The following PDGFD variants were observed in gnomAD, a reference collection of about 807,000 sequenced individuals.
PDGFD encodes the protein platelet derived growth factor D.
PDGFD carries 30 observed loss-of-function variants against 44.7 expected under a neutral mutation model. The observed-to-expected ratio is 0.67, with a 90% CI of 0.50 to 0.91. The LOEUF is 0.91. PDGFD is among the 40% of genes least tolerant of loss of function. The pLI is 0.00. For missense variants in PDGFD, 445 were observed against 457.8 expected, an observed-to-expected ratio of 0.97 and a Z score of 0.25; for synonymous variants, 173 against 168.4, an observed-to-expected ratio of 1.03 and a Z score of -0.21.
At chr11:103,945,133 G>T (rs550378643) in intron 4 of PDGFD, among the ~76,000 whole-genome samples, 2 of 152,144 alleles carry the variant, frequency 1.3e-5, no homozygotes, top group East Asian at 3.9e-4. Flanking sequence ...CATACATTAC[G>T]GAAGAATCCA....
chr11:103,921,379 G>A (rs1310363432), intron 6 of PDGFD, among the ~76,000 whole-genome samples: 5 of 151,956 alleles, frequency 3.3e-5, no homozygotes, highest in African/African-American at 1.2e-4. Flanking sequence ...GAAAATTTAG[G>A]TACTTTTTTT....
chr11:104,153,066 A>G (rs964669608), intron 1 of PDGFD, among the ~76,000 whole-genome samples: 1 of 152,168 alleles, frequency 6.6e-6, no homozygotes, highest in African/African-American at 2.4e-5. Context: ...CCTAAAGCTT[A>G]AAGTGTTCAC....
chr11:104,118,675 T>C (rs1177017706), intron 1 of PDGFD, among the ~76,000 whole-genome samples: 1 of 143,262 alleles, frequency 7.0e-6, no homozygotes, highest in Non-Finnish European at 1.5e-5. Context: ...TAGTATTTAA[T>C]GCTATACTCA....
intron 5 of PDGFD, among the ~76,000 whole-genome samples, chr11:103,930,788 A>C (rs1048613022): frequency 6.6e-6 from 1 of 152,220 alleles, no homozygotes; most frequent in African/African-American, 2.4e-5. Context: ...TCATTTTCAC[A>C]ATGTCATTAA....
chr11:104,159,153 CA>C (rs765727400), intron 1 of PDGFD, among the ~76,000 whole-genome samples: 1,885 of 66,532 alleles, frequency 0.028, 13 homozygotes, highest in African/African-American at 0.058. Context: ...GACTCCATCT[CA>C]AAAAAAAAAA....
chr11:104,054,323 A>T (rs1860589172), intron 1 of PDGFD, among the ~76,000 whole-genome samples: 1 of 152,242 alleles, frequency 6.6e-6, no homozygotes, highest in South Asian at 2.1e-4. Flanking sequence ...GACCTTTATC[A>T]GTGATTGTGT....
chr11:104,029,060 A>G (rs1034351522), intron 1 of PDGFD, among the ~76,000 whole-genome samples: 3 of 152,218 alleles, frequency 2.0e-5, no homozygotes, highest in Admixed American at 2.0e-4. Flanking sequence ...TCAGCAGTTA[A>G]GCACATTTTA....
chr11:104,057,447 C>T lies in PDGFD; in HGVS notation c.125-57192G>A, dbSNP rs1297640028. On this transcript the variant is annotated intron_variant, in intron 1 of 6. Coordinates refer to ENST00000393158, the MANE Select transcript of PDGFD (RefSeq NM_025208.5). ...GAACAGAAAAACAAATACCACATGC[C>T]CTCACTTAGAAGTGGGAGCTAAACA... Among the ~76,000 whole-genome samples the T allele has an allele frequency of 2.0e-5, 3 of 151,744 alleles. No homozygotes were observed. The East Asian group carries it at 5.8e-4, about 29-fold the overall frequency.
intron 1 of PDGFD, among the ~76,000 whole-genome samples, chr11:104,069,763 G>A (rs1051688870): frequency 6.6e-6 from 1 of 152,236 alleles, no homozygotes; most frequent in Non-Finnish European, 1.5e-5. Context: ...AGGAGGCTGA[G>A]GCAGGAGAAT....
intron 1 of PDGFD, among the ~76,000 whole-genome samples, chr11:104,052,912 TA>T (rs34633495): frequency 0.44 from 66,396 of 151,870 alleles, 15,492 homozygotes; most frequent in African/African-American, 0.6. Context: ...GTAGGATTTT[TA>T]TTCTGTCTAG....
rs142344596 is a variant in PDGFD, at chr11:104,010,988, G to C, written c.125-10733C>G. 2.0e-4 allele frequency among the ~76,000 whole-genome samples: 30 copies of C among 152,056 alleles called. No individual in the cohort carries two copies. The East Asian group carries it at 5.8e-3, about 29-fold the overall frequency. ...AGCTCAGAAACACAGAAAGATAAGAGGGAAAATAGAAAAGTCATACCCAGG... is the reference window on the plus strand; with the variant it reads ...AGCTCAGAAACACAGAAAGATAAGACGGAAAATAGAAAAGTCATACCCAGG... On this transcript the variant is annotated intron_variant, in intron 1 of 6. Coordinates refer to ENST00000393158, the MANE Select transcript of PDGFD (RefSeq NM_025208.5).
At chr11:103,972,072 T>G (rs1859113034) in intron 3 of PDGFD, among the ~76,000 whole-genome samples, 1 of 152,230 alleles carries the variant, frequency 6.6e-6, no homozygotes, top group African/African-American at 2.4e-5. Flanking sequence ...TCTTCAAACC[T>G]CTGTCTCTTA....
chr11:103,997,713 C>T (rs571561708), intron 2 of PDGFD, among the ~76,000 whole-genome samples: 2 of 152,284 alleles, frequency 1.3e-5, no homozygotes, highest in East Asian at 3.9e-4. Flanking sequence ...GTATACAATA[C>T]ATGTAAATCA....
intron 1 of PDGFD, among the ~76,000 whole-genome samples, chr11:104,111,592 C>T (rs1322578885): frequency 1.3e-5 from 2 of 152,020 alleles, no homozygotes; most frequent in Non-Finnish European, 2.9e-5. Flanking sequence ...CAAGTAAACC[C>T]CATTCTATAC....
At chr11:104,111,411 T>A (rs892662865) in intron 1 of PDGFD, among the ~76,000 whole-genome samples, 2 of 151,868 alleles carry the variant, frequency 1.3e-5, no homozygotes, top group African/African-American at 2.4e-5. Flanking sequence ...TACAGCTGCA[T>A]GCCACCATGC....
At chr11:104,008,107 T>A (rs1163368280) in intron 1 of PDGFD, among the ~76,000 whole-genome samples, 1 of 152,170 alleles carries the variant, frequency 6.6e-6, no homozygotes, top group African/African-American at 2.4e-5. Flanking sequence ...TTCCCCTATA[T>A]TACAAACAGC....
intron 1 of PDGFD, among the ~76,000 whole-genome samples, chr11:104,153,938 G>A (rs1049009954): frequency 5.9e-5 from 9 of 152,086 alleles, no homozygotes; most frequent in Non-Finnish European, 1.2e-4. Context: ...AAATGTGCCA[G>A]TATTTATAGG....
intron 1 of PDGFD, among the ~76,000 whole-genome samples, chr11:104,078,683 A>ATGAAAT (rs1332508725): frequency 6.6e-6 from 1 of 152,250 alleles, no homozygotes; most frequent in Admixed American, 6.5e-5. Context: ...GCCAGTCAGT[A>ATGAAAT]TGAAATTCCT....
chr11:104,088,954 T>C (rs934956469), intron 1 of PDGFD, among the ~76,000 whole-genome samples: 1 of 151,230 alleles, frequency 6.6e-6, no homozygotes, highest in Non-Finnish European at 1.5e-5. Flanking sequence ...AAAAAATCCA[T>C]TGAGAAGGAA....
Sources: allele counts gnomAD v4.1 joint callset (sites outside exome capture counted in the v4.1 genomes callset), GRCh38; gene constraint gnomAD v4.1.1; transcripts MANE v1.5; gene names NCBI Gene and HGNC (gene_info 2026-07-23, HGNC 2026-07-21).